The following FKBP1A variants were observed in gnomAD, a reference collection of about 807,000 sequenced individuals.
FKBP1A encodes the protein FKBP prolyl isomerase 1A.
A neutral mutation model predicts 14.2 loss-of-function variants in FKBP1A; 5 were observed. That is an observed-to-expected ratio of 0.35 (90% CI 0.18 to 0.74). The LOEUF (loss-of-function observed/expected upper bound fraction) is 0.74, where lower values mean the gene tolerates loss of function less well. FKBP1A is among the 30% of genes least tolerant of loss of function. The pLI, the probability that FKBP1A is intolerant of heterozygous loss-of-function variation, is 0.56. For synonymous variants in FKBP1A, 42 were observed against 49.1 expected, an observed-to-expected ratio of 0.86 and a Z score of 0.60; for missense variants, 53 against 138.8, an observed-to-expected ratio of 0.38 and a Z score of 3.10.
At position 1,370,111 on chromosome 20, in the gene FKBP1A, A is replaced by G. The variant is rs762713394; in HGVS notation, c.*37-39T>C. The G allele has an allele frequency of 9.7e-6, 15 of 1,541,600 alleles. No homozygotes were observed. In the South Asian group the frequency reaches 1.1e-4, roughly 11 times the overall value. On this transcript the variant is annotated intron_variant, in intron 4 of 4. Coordinates refer to ENST00000400137, the MANE Select transcript of FKBP1A (RefSeq NM_000801.5). The stretch of plus-strand genomic sequence containing the variant: ...AAAATCTGTGAGTTTCCAGCAACTC[A>G]GTGTTCTTTGTGTGCAGTGGCGACA...
At chr20:1,382,893 C>T (rs777936848) in intron 2 of FKBP1A, among the ~76,000 whole-genome samples, 3 of 152,190 alleles carry the variant, frequency 2.0e-5, no homozygotes, top group Non-Finnish European at 4.4e-5. Flanking sequence ...CAAAACAAGA[C>T]GGTGCAGAGA....
At chr20:1,377,339 T>C (rs41280322) in intron 2 of FKBP1A, 5 of 152,250 alleles carry the variant, frequency 3.3e-5, no homozygotes, top group Non-Finnish European at 1.5e-5. Context: ...TAGAGACGGA[T>C]GTCCTGGGGC....
chr20:1,383,472 G>T (rs772842198), intron 2 of FKBP1A, among the ~76,000 whole-genome samples: 4 of 152,010 alleles, frequency 2.6e-5, no homozygotes, highest in African/African-American at 7.3e-5. Flanking sequence ...GAGGGAAAAG[G>T]ATTTCTACTT....
At chr20:1,376,057 T>A (rs1600328504) in intron 2 of FKBP1A, among the ~76,000 whole-genome samples, 1 of 152,238 alleles carries the variant, frequency 6.6e-6, no homozygotes, top group East Asian at 1.9e-4. Flanking sequence ...TGTGTGTATA[T>A]ATTGCTCCTC....
At chr20:1,375,248 A>G (rs2089524757) in intron 3 of FKBP1A, 1 of 572,440 alleles carries the variant, frequency 1.7e-6, no homozygotes, top group Admixed American at 3.3e-5. Flanking sequence ...TTAAGTGAAA[A>G]AGTAAACTGC....
chr20:1,390,858 C>A (rs1336587728), intron 2 of FKBP1A, among the ~76,000 whole-genome samples: 6 of 152,138 alleles, frequency 3.9e-5, no homozygotes, highest in African/African-American at 1.2e-4. Context: ...AAAACGAAAT[C>A]AAAAAGAAAG....
At chr20:1,377,695 A>G (rs1377310323) in intron 2 of FKBP1A, 1 of 152,226 alleles carries the variant, frequency 6.6e-6, no homozygotes, top group Non-Finnish European at 1.5e-5. Flanking sequence ...AGAGCAGGCA[A>G]TGAACAGCTA....
chr20:1,378,504 G>A (rs2089578436), intron 2 of FKBP1A: 2 of 152,158 alleles, frequency 1.3e-5, no homozygotes, highest in Non-Finnish European at 2.9e-5. Context: ...ACACCACCAA[G>A]AGTGAACCCT....
chr20:1,387,782 C>T (rs1201370655), intron 2 of FKBP1A, among the ~76,000 whole-genome samples: 1 of 152,054 alleles, frequency 6.6e-6, no homozygotes, highest in Non-Finnish European at 1.5e-5. Flanking sequence ...GTCGAGGCTA[C>T]AGTGAGCCAT....
chr20:1,393,044 G>A lies in FKBP1A; in HGVS notation c.-46C>T. ...GGGCGGGCGGCGCGACGGGCGGCGT[G>A]GACCAACAGCGACCTGGCGGCGGTT... On this transcript the variant is annotated 5_prime_UTR_variant, in exon 1 of 5. Coordinates refer to ENST00000400137, the MANE Select transcript of FKBP1A (RefSeq NM_000801.5). The A allele has an allele frequency of 1.5e-6, 2 of 1,291,504 alleles. No homozygotes were observed. Among genetic ancestry groups the A allele is most frequent in the Non-Finnish European group, 2.1e-6 (2 of 968,606 alleles). The allele number at this position is 1,291,504 out of a possible 1,614,324, so 80.0% of individuals were successfully genotyped here.
At chr20:1,390,759 A>T (rs1374237970) in intron 2 of FKBP1A, among the ~76,000 whole-genome samples, 1 of 152,214 alleles carries the variant, frequency 6.6e-6, no homozygotes, top group Non-Finnish European at 1.5e-5. Flanking sequence ...ACCCACGGGA[A>T]CAAAGCCACC....
chr20:1,385,255 T>C (rs2089657255), intron 2 of FKBP1A, among the ~76,000 whole-genome samples: 1 of 152,096 alleles, frequency 6.6e-6, no homozygotes, highest in Admixed American at 6.5e-5. Flanking sequence ...CCGGGCATGG[T>C]GGCGTGCGCC....
chr20:1,381,316 G>C (rs1600334095), intron 2 of FKBP1A, among the ~76,000 whole-genome samples: 1 of 152,140 alleles, frequency 6.6e-6, no homozygotes, highest in South Asian at 2.1e-4. Flanking sequence ...ACAGAGGGCA[G>C]GTAAGCATAT....
In FKBP1A at chr20:1,382,552, C is replaced by T. The variant is rs1001988093; in HGVS notation, c.86-6949G>A. Among the ~76,000 whole-genome samples, 9 of 152,106 alleles carry T rather than the reference C, an allele frequency of 5.9e-5. No homozygotes were observed. The East Asian group carries it at 7.7e-4, about 13-fold the overall frequency. ...GCCTGCGTTCTGTGTCCTGGTGGCA[C>T]GTATGGTGCTGGTACTCAAGAGCAC... On this transcript the variant is annotated intron_variant, in intron 2 of 4. Coordinates refer to ENST00000400137, the MANE Select transcript of FKBP1A (RefSeq NM_000801.5).
chr20:1,375,038 T>C (rs1003923696), intron 3 of FKBP1A, among the ~76,000 whole-genome samples: 9 of 152,108 alleles, frequency 5.9e-5, no homozygotes, highest in African/African-American at 1.9e-4. Flanking sequence ...GGTTTCGCCA[T>C]GTTGGCCAGG....
rs561591451 is a variant in FKBP1A, at chr20:1,389,625, C to T, written c.85+3209G>A. On this transcript the variant is annotated intron_variant, in intron 2 of 4. Transcript: ENST00000400137. ...TCAGAAACCGGGAGGCTATACCTGA[C>T]TTAAACCTGATCCCAAGGACAAAAT... Among the ~76,000 whole-genome samples the T allele has an allele frequency of 2.6e-5, 4 of 152,352 alleles. No homozygotes were observed. In the East Asian group the frequency reaches 7.7e-4, roughly 29 times the overall value.
At position 1,371,963 on chromosome 20, in the gene FKBP1A, G is replaced by A. The variant is rs538660594; in HGVS notation, c.*36+113C>T. On this transcript the variant is annotated intron_variant, in intron 4 of 4. Transcript: ENST00000400137. ...GATACTCAATACAGAAAGAATGCAG[G>A]GGGAAAAATAGCCTTGTGGTGTTTT... The A allele has an allele frequency of 3.1e-5, 46 of 1,469,658 alleles. No individual in the cohort carries two copies. In the South Asian group the frequency reaches 6.1e-4, roughly 19 times the overall value. 91.0% of individuals were successfully genotyped at this position (1,469,658 alleles called of 1,614,324 possible).
At chr20:1,391,561 G>A in intron 2 of FKBP1A, 1 of 397,812 alleles carries the variant, frequency 2.5e-6, no homozygotes. Context: ...ACGGGGAAGG[G>A]CCACAGAAAT....
At chr20:1,375,183 C>T (rs2089523851) in intron 3 of FKBP1A, 2 of 524,930 alleles carry the variant, frequency 3.8e-6, no homozygotes, top group African/African-American at 3.9e-5. Context: ...GCATGAGCCA[C>T]CGCGCCCAGC....
Sources: allele counts gnomAD v4.1 joint callset (sites outside exome capture counted in the v4.1 genomes callset), GRCh38; gene constraint gnomAD v4.1.1; transcripts MANE v1.5; gene names NCBI Gene and HGNC (gene_info 2026-07-23, HGNC 2026-07-21).